AHR: variants seen among roughly 807,000 people sequenced by gnomAD.
AHR encodes the protein AH-receptor.
A neutral mutation model predicts 86.8 loss-of-function variants in AHR; 40 were observed. That is an observed-to-expected ratio of 0.46 (90% CI 0.36 to 0.60). The LOEUF (loss-of-function observed/expected upper bound fraction) is 0.60. AHR is among the 20% of genes least tolerant of loss of function. The pLI is 0.00. For synonymous variants in AHR, 398 were observed against 354.9 expected (o/e 1.12, Z -1.37); for missense variants, 1,001 against 1,011.6 (o/e 0.99, Z 0.14).
intron 10 of AHR, among the ~76,000 whole-genome samples, 191 bp downstream of exon 10, chr7:17,340,419 A>G (rs1782408334): frequency 6.6e-6 from 1 of 151,100 alleles, no homozygotes; most frequent in Non-Finnish European, 1.5e-5. Flanking sequence ...TGTTACTAAT[A>G]TATCATTCAC....
At chr7:17,300,577 TAGAC>T (rs749632331) in intron 1 of AHR, among the ~76,000 whole-genome samples, 10 of 152,222 alleles carry the variant, frequency 6.6e-5, no homozygotes, top group Non-Finnish European at 1.3e-4. Flanking sequence ...AATCTATAAA[TAGAC>T]TGATGAAAAT....
At chr7:17,338,926 T>C in intron 9 of AHR, 60 bp from the exon 10 acceptor site, 1 of 1,427,282 alleles carries the variant, frequency 7.0e-7, no homozygotes, top group Non-Finnish European at 9.4e-7. Flanking sequence ...TTTTAAATTA[T>C]TTTTATTTTA....
intron 1 of AHR, among the ~76,000 whole-genome samples, chr7:17,301,284 A>G (rs1781952603): frequency 6.6e-6 from 1 of 152,028 alleles, no homozygotes; most frequent in East Asian, 1.9e-4. Flanking sequence ...CCTGAATGAA[A>G]AATTGTTAAC....
chr7:17,331,095 T>G (rs1182292661), intron 6 of AHR, among the ~76,000 whole-genome samples: 2 of 151,952 alleles, frequency 1.3e-5, no homozygotes, highest in Admixed American at 1.3e-4. Flanking sequence ...AATGGCTTGA[T>G]TGATTACAGC....
rs756310684 is a variant in AHR, at chr7:17,339,913, T to C, written c.2088T>C (p.Tyr696=). ...PYKSEMDSMP[Y]TQNFISCNQP... ...AATCTGAAATGGATTCTATGCCTTA[T>C]ACACAGAACTTTATTTCCTGTAATC... Residue 696 remains tyrosine, a synonymous_variant, in exon 10 of 11, where the codon TAT becomes TAC. Transcript: ENST00000242057. 3.7e-6 allele frequency: 6 copies of C among 1,614,224 alleles called. No homozygotes were observed. Among genetic ancestry groups the C allele is most frequent in the Non-Finnish European group, 5.1e-6 (6 of 1,180,032 alleles).
rs751357516 is a variant in AHR, at chr7:17,340,137, T to A, written c.2312T>A (p.Met771Lys). ...ACATGTTATGCTGGGGCCGTGTCGATGTATCAGTGCCAGCCAGAACCTCAG... is the reference window on the plus strand; with the variant it reads ...ACATGTTATGCTGGGGCCGTGTCGAAGTATCAGTGCCAGCCAGAACCTCAG... ...PQTCYAGAVS[M>K]YQCQPEPQHT... Residue 771 changes from methionine (M) to lysine (K), a missense_variant, in exon 10 of 11, where the codon ATG becomes AAG. By Grantham distance (95) the Met-to-Lys change is moderately conservative (BLOSUM62 -1). Transcript: ENST00000242057. 2 of 1,614,192 alleles carry A rather than the reference T, an allele frequency of 1.2e-6. No homozygotes were observed. Among genetic ancestry groups the A allele is most frequent in the South Asian group, 1.1e-5 (1 of 91,084 alleles).
intron 10 of AHR, 145 bp downstream of exon 10, chr7:17,340,373 CT>C (rs943034312): frequency 0.17 from 142,622 of 827,618 alleles, no homozygotes; most frequent in East Asian, 0.24. Context: ...CTGTGACTAC[CT>C]TTTTTTTTTT....
intron 3 of AHR, among the ~76,000 whole-genome samples, chr7:17,327,164 T>G (rs1341324969): frequency 6.6e-6 from 1 of 151,992 alleles, no homozygotes; most frequent in Non-Finnish European, 1.5e-5. Flanking sequence ...AATGATAAAT[T>G]TAGGTATGTG....
Position 17,298,787 on chromosome 7 carries a change from C to T in AHR, c.-478C>T, listed in dbSNP as rs959952720. On this transcript the variant is annotated 5_prime_UTR_variant, in exon 1 of 11. Coordinates refer to ENST00000242057, the MANE Select transcript of AHR (RefSeq NM_001621.5). Reference sequence around the variant, plus strand: ...GTGGCCCGCGCCCGAGCTCCGCAGGCGGGAAGCACCCTGGATTTAGGAAGT... The same window carrying T: ...GTGGCCCGCGCCCGAGCTCCGCAGGTGGGAAGCACCCTGGATTTAGGAAGT... The T allele has an allele frequency of 2.5e-6, 1 of 398,036 alleles. No individual in the cohort carries two copies. Among genetic ancestry groups the T allele is most frequent in the Non-Finnish European group, 4.4e-6 (1 of 225,704 alleles). 24.7% of individuals were successfully genotyped at this position (398,036 alleles called of 1,614,324 possible).
At chr7:17,341,261 T>C (rs1339959099) in intron 10 of AHR, among the ~76,000 whole-genome samples, 1 of 152,172 alleles carries the variant, frequency 6.6e-6, no homozygotes, top group East Asian at 1.9e-4. Context: ...AGCTTTTTAA[T>C]AGAAAAGGAC....
At chr7:17,308,190 A>G (rs1782025047) in intron 1 of AHR, among the ~76,000 whole-genome samples, 1 of 152,142 alleles carries the variant, frequency 6.6e-6, no homozygotes, top group East Asian at 1.9e-4. Flanking sequence ...ATTTGTTGAA[A>G]GAATGTGGCC....
At chr7:17,315,544 A>G (rs1782106752) in intron 2 of AHR, among the ~76,000 whole-genome samples, 2 of 151,930 alleles carry the variant, frequency 1.3e-5, no homozygotes, top group South Asian at 4.1e-4. Context: ...TGAACAGGTC[A>G]TTAGTCATCA....
Position 17,335,717 on chromosome 7 carries a change from A to G in AHR, c.1091A>G (p.Gln364Arg). The change falls in exon 9 of 11, where the codon CAG becomes CGG. Residue 364 changes from glutamine (Q) to arginine (R), a missense_variant. By Grantham distance (43) the Gln-to-Arg change is conservative (BLOSUM62 1). Around this residue, in one of 2 missense-constraint regions of AHR, gnomAD observed 394 missense variants for 468.5 expected, o/e 0.84. Transcript: ENST00000242057. The stretch of plus-strand genomic sequence containing the variant: ...AAAAACAACCGATGGACTTGGGTCC[A>G]GTCTAATGCACGCCTGCTTTATAAA... ...LTKNNRWTWVQSNARLLYKNG... is the reference protein window; with the variant it reads ...LTKNNRWTWVRSNARLLYKNG... 3 of 1,611,690 alleles carry G rather than the reference A, an allele frequency of 1.9e-6. No individual in the cohort carries two copies. Among genetic ancestry groups the G allele is most frequent in the Admixed American group, 1.7e-5 (1 of 59,852 alleles).
Position 17,327,798 on chromosome 7 carries a change from T to G in AHR, c.400T>G (p.Leu134Val), listed in dbSNP as rs764019511. The change falls in exon 4 of 11, where the codon TTG becomes GTG. Residue 134 changes from leucine (L) to valine (V), a missense_variant. Leu to Val is a conservative substitution (Grantham distance 32). Coordinates refer to ENST00000242057, the MANE Select transcript of AHR (RefSeq NM_001621.5). ...GFVLVVTTDA[L>V]VFYASSTIQD... ...TGTATTAGTTGTCACTACAGATGCT[T>G]TGGTCTTTTATGCTTCTTCTACTAT... The G allele has an allele frequency of 3.5e-5, 55 of 1,579,866 alleles. No homozygotes were observed. The highest frequency in any genetic ancestry group is 4.4e-5 in the Non-Finnish European group (51 of 1,158,380).
Position 17,299,152 on chromosome 7 carries a change from G to A in AHR, c.-113G>A, listed in dbSNP as rs1302833036. On this transcript the variant is annotated 5_prime_UTR_variant, in exon 1 of 11. Coordinates refer to ENST00000242057, the MANE Select transcript of AHR (RefSeq NM_001621.5). ...TCCCGAGAGGACGCAGGTGGAGCGGGCGCGGCTTCGCGGAACCCGGCGCCG... is the reference window on the plus strand; with the variant it reads ...TCCCGAGAGGACGCAGGTGGAGCGGACGCGGCTTCGCGGAACCCGGCGCCG... 1 of 1,172,296 alleles carries A rather than the reference G, an allele frequency of 8.5e-7. No homozygotes were observed. Among genetic ancestry groups the A allele is most frequent in the Non-Finnish European group, 1.2e-6 (1 of 864,660 alleles). 72.6% of individuals were successfully genotyped at this position (1,172,296 alleles called of 1,614,324 possible).
At chr7:17,305,670 C>T (rs1781998289) in intron 1 of AHR, among the ~76,000 whole-genome samples, 1 of 152,136 alleles carries the variant, frequency 6.6e-6, no homozygotes, top group South Asian at 2.1e-4. Context: ...GAGGCAATCT[C>T]TTGTTAAAAA....
rs1782392475 is a variant in AHR, at chr7:17,339,371, C to A, written c.1546C>A (p.Gln516Lys). ...TATCCTGAAACATGAGCAAATTGACCAGCCTCAGGATGTGAACTCATTTGC... is the reference window on the plus strand; with the variant it reads ...TATCCTGAAACATGAGCAAATTGACAAGCCTCAGGATGTGAACTCATTTGC... ...DTILKHEQID[Q>K]PQDVNSFAGG... The change falls in exon 10 of 11, where the codon CAG becomes AAG. Residue 516 changes from glutamine to lysine, a missense_variant. Around this residue, in one of 2 missense-constraint regions of AHR, gnomAD observed 607 missense variants for 543.1 expected, o/e 1.12. Transcript: ENST00000242057. 6.2e-7 allele frequency: 1 copy of A among 1,614,040 alleles called. No homozygotes were observed. The highest frequency in any genetic ancestry group is 1.7e-5 in the Admixed American group (1 of 60,006).
Position 17,343,183 on chromosome 7 carries a change from A to T in AHR, c.*119A>T. The T allele has an allele frequency of 8.4e-7, 1 of 1,190,098 alleles. No individual in the cohort carries two copies. The highest frequency in any genetic ancestry group is 1.2e-6 in the Non-Finnish European group (1 of 823,116). The allele number at this position is 1,190,098 out of a possible 1,614,324, so 73.7% of individuals were successfully genotyped here. A position where few individuals can be genotyped will look rare whatever the true frequency, so the allele number is the denominator to read the frequency against. On this transcript the variant is annotated 3_prime_UTR_variant, in exon 11 of 11. Transcript: ENST00000242057. ...TCACATGGAGGCATTGATGCATGCT[A>T]TTCACAATTATTCCAAACCAAATTT...
At chr7:17,301,100 T>C (rs1194493190) in intron 1 of AHR, among the ~76,000 whole-genome samples, 2 of 152,074 alleles carry the variant, frequency 1.3e-5, no homozygotes, top group African/African-American at 2.4e-5. Flanking sequence ...AACAAAAGTA[T>C]TTTTTCCATT....
Sources: gnomAD v4.1 joint callset for allele counts (sites outside exome capture counted in the v4.1 genomes callset) on GRCh38, gnomAD v4.1.1 for gene constraint, gnomAD v4.1.1 regional missense constraint, MANE v1.5 for transcripts, NCBI Gene and HGNC (gene_info 2026-07-23, HGNC 2026-07-21) for gene names.